The following PCDH7 variants were observed in gnomAD, a reference collection of about 807,000 sequenced individuals.
PCDH7 encodes the protein protocadherin 7.
A neutral mutation model predicts 58.9 loss-of-function variants in PCDH7; 17 were observed. The observed-to-expected ratio is 0.29, with a 90% CI of 0.20 to 0.43. The LOEUF (loss-of-function observed/expected upper bound fraction) is 0.43, where lower values mean the gene tolerates loss of function less well. Ranked by LOEUF, PCDH7 falls within the 20% of genes least tolerant of loss-of-function variation. The probability of loss-of-function intolerance (pLI) is 1.00; values close to 1 mark genes in which losing one functional copy is unlikely to be tolerated. For synonymous variants in PCDH7, 664 were observed against 616.4 expected (o/e 1.08, Z -1.14); for missense variants, 1,274 against 1,441.0 (o/e 0.88, Z 1.88).
At chr4:30,741,255 T>C (rs1017372192) in intron 1 of PCDH7, among the ~76,000 whole-genome samples, 3 of 146,408 alleles carry the variant, frequency 2.0e-5, no homozygotes, top group African/African-American at 7.6e-5. Flanking sequence ...CAGTAGATGG[T>C]TTTTTTTTTA....
At chr4:30,902,294 G>GT (rs1578227151) in intron 1 of PCDH7, among the ~76,000 whole-genome samples, 2 of 152,062 alleles carry the variant, frequency 1.3e-5, no homozygotes, top group South Asian at 4.2e-4. Flanking sequence ...GTATCTCTGT[G>GT]TTTTTTTACT....
At chr4:30,830,299 ATAAAT>A in intron 1 of PCDH7, among the ~76,000 whole-genome samples, 1 of 152,244 alleles carries the variant, frequency 6.6e-6, no homozygotes, top group Middle Eastern at 3.4e-3. Context: ...AAAAAGTAAA[ATAAAT>A]TATTCACATC....
At chr4:31,064,647 T>C (rs1050497694) in intron 3 of PCDH7, among the ~76,000 whole-genome samples, 7 of 151,962 alleles carry the variant, frequency 4.6e-5, no homozygotes, top group African/African-American at 1.7e-4. Flanking sequence ...AATCTCTGTT[T>C]CTGTCCTCAC....
In PCDH7 at chr4:30,779,406, T is replaced by C. The variant is rs368419424; in HGVS notation, c.70+54810T>C. On this transcript the variant is annotated intron_variant, in intron 1 of 3. Transcript: ENST00000509759. ...TTGTACCAAAATCAATATTTAAATA[T>C]GTTCATATCAATCTTTAAATCAATG... Among the ~76,000 whole-genome samples, 182 of 152,350 alleles carry C rather than the reference T, an allele frequency of 1.2e-3. 2 individuals are homozygous for C. The South Asian group carries it at 0.016, about 13-fold the overall frequency.
intron 3 of PCDH7, among the ~76,000 whole-genome samples, chr4:30,985,890 A>G (rs1453944627): frequency 6.6e-6 from 1 of 152,194 alleles, no homozygotes; most frequent in East Asian, 1.9e-4. Flanking sequence ...ATCAAATTTT[A>G]TCTCTTTTGG....
chr4:30,888,688 A>G (rs781495896), intron 1 of PCDH7, among the ~76,000 whole-genome samples: 3 of 152,256 alleles, frequency 2.0e-5, no homozygotes, highest in Non-Finnish European at 2.9e-5. Context: ...TAAAATATGG[A>G]TTGAATGAAG....
At chr4:31,023,212 A>G (rs1164958434) in intron 3 of PCDH7, among the ~76,000 whole-genome samples, 1 of 151,968 alleles carries the variant, frequency 6.6e-6, no homozygotes, top group African/African-American at 2.4e-5. Context: ...ACAGTCTTTG[A>G]CTCTCCCATT....
At chr4:31,058,805 G>T (rs1445887372) in intron 3 of PCDH7, among the ~76,000 whole-genome samples, 1 of 151,922 alleles carries the variant, frequency 6.6e-6, no homozygotes, top group African/African-American at 2.4e-5. Flanking sequence ...TTGAGTGGGT[G>T]ATTCCAGAGA....
intron 1 of PCDH7, among the ~76,000 whole-genome samples, chr4:30,741,283 C>T (rs1418160463): frequency 6.6e-6 from 1 of 151,246 alleles, no homozygotes; most frequent in Non-Finnish European, 1.5e-5. Context: ...GTGTGTCACT[C>T]GGGCTCAGGT....
chr4:30,826,368 G>C (rs990599165), intron 1 of PCDH7, among the ~76,000 whole-genome samples: 12 of 152,084 alleles, frequency 7.9e-5, no homozygotes, highest in African/African-American at 2.9e-4. Flanking sequence ...CCTTGGAACA[G>C]TGCCTTATGG....
intron 3 of PCDH7, among the ~76,000 whole-genome samples, chr4:31,077,126 T>C (rs564363037): frequency 6.6e-6 from 1 of 152,252 alleles, no homozygotes; most frequent in East Asian, 1.9e-4. Context: ...ATTTAAAAAA[T>C]CAGGCTGGGT....
chr4:30,832,277 G>A (rs897342615), intron 1 of PCDH7, among the ~76,000 whole-genome samples: 1 of 152,132 alleles, frequency 6.6e-6, no homozygotes, highest in Non-Finnish European at 1.5e-5. Flanking sequence ...ACATGCAGCA[G>A]GAATGGTGCC....
At chr4:30,819,021 T>C (rs1347725839) in intron 1 of PCDH7, among the ~76,000 whole-genome samples, 3 of 152,196 alleles carry the variant, frequency 2.0e-5, no homozygotes, top group African/African-American at 7.2e-5. Context: ...TCACAGTGCA[T>C]CATTCCTGTT....
rs144178129 is a variant in PCDH7, at chr4:31,060,527, C to T, written c.*8-81946C>T. On this transcript the variant is annotated intron_variant, in intron 3 of 3. Coordinates refer to the PCDH7 transcript ENST00000509759. ...ATTTGTTATTGGACATCTGCCAAAG[C>T]TTAATTCACCAAATTTTTGCCATCA... Among the ~76,000 whole-genome samples, 45 of 151,778 alleles carry T rather than the reference C, an allele frequency of 3.0e-4. 2 individuals carry two copies. The highest frequency in any genetic ancestry group is 9.6e-4 in the African/African-American group (40 of 41,506).
chr4:31,041,350 C>A (rs182910887), intron 3 of PCDH7, among the ~76,000 whole-genome samples: 6 of 152,216 alleles, frequency 3.9e-5, no homozygotes, highest in African/African-American at 1.4e-4. Context: ...GCTTAATTTT[C>A]AAATACTGGC....
chr4:30,949,621 A>G (rs558618333), intron 2 of PCDH7, among the ~76,000 whole-genome samples: 1 of 152,234 alleles, frequency 6.6e-6, no homozygotes, highest in South Asian at 2.1e-4. Flanking sequence ...TATTAAGTTA[A>G]TAAGTTGAAG....
chr4:30,879,433 C>T (rs765757127), intron 1 of PCDH7, among the ~76,000 whole-genome samples: 4 of 151,570 alleles, frequency 2.6e-5, no homozygotes, highest in Admixed American at 6.6e-5. Flanking sequence ...TCACACAAGT[C>T]ATATTAGAGT....
chr4:31,139,647 T>C (rs1484619350), intron 3 of PCDH7, among the ~76,000 whole-genome samples: 2 of 152,222 alleles, frequency 1.3e-5, no homozygotes, highest in East Asian at 3.9e-4. Context: ...CAAAGAAAAA[T>C]ACTTTTCCAC....
chr4:30,783,978 G>C (rs1723104541), intron 1 of PCDH7, among the ~76,000 whole-genome samples: 1 of 151,958 alleles, frequency 6.6e-6, no homozygotes, highest in Non-Finnish European at 1.5e-5. Context: ...GAGACTTGTT[G>C]CCTGAGTGAT....
Sources: gnomAD v4.1 joint callset for allele counts (sites outside exome capture counted in the v4.1 genomes callset) on GRCh38, gnomAD v4.1.1 for gene constraint, MANE v1.5 for transcripts, NCBI Gene and HGNC (gene_info 2026-07-23, HGNC 2026-07-21) for gene names.